PIBF1: variants seen among roughly 807,000 people sequenced by gnomAD.
The protein encoded by PIBF1 is progesterone-induced-blocking factor 1.
A neutral mutation model predicts 112.5 loss-of-function variants in PIBF1; 90 were observed. That is an observed-to-expected ratio of 0.80 (90% CI 0.67 to 0.95). The LOEUF (loss-of-function observed/expected upper bound fraction) is 0.95. Ranked by LOEUF, PIBF1 falls within the 40% of genes least tolerant of loss-of-function variation. The pLI is 0.00. For missense variants in PIBF1, 915 were observed against 852.3 expected, an observed-to-expected ratio of 1.07 and a Z score of -0.92; for synonymous variants, 301 against 288.6, an observed-to-expected ratio of 1.04 and a Z score of -0.44.
intron 14 of PIBF1, among the ~76,000 whole-genome samples, chr13:72,940,945 T>C (rs761983943): frequency 2.6e-5 from 4 of 151,908 alleles, no homozygotes; most frequent in Non-Finnish European, 5.9e-5. Context: ...TATCTGTAAA[T>C]TGTCAGAGTT....
intron 10 of PIBF1, among the ~76,000 whole-genome samples, chr13:72,875,822 A>G (rs1004752427): frequency 1.3e-5 from 2 of 152,074 alleles, no homozygotes; most frequent in African/African-American, 2.4e-5. Flanking sequence ...AGTTCTTTGT[A>G]TATTTTGGAT....
At position 72,965,209 on chromosome 13, in the gene PIBF1, C is replaced by T. The variant is rs1169644633; in HGVS notation, c.1834-65C>T. ...TTTCTGTACTATATTTGTGCTAGAGCATTTTGAATGATTTTATTTTGTTGT... is the reference window on the plus strand; with the variant it reads ...TTTCTGTACTATATTTGTGCTAGAGTATTTTGAATGATTTTATTTTGTTGT... On this transcript the variant is annotated intron_variant, in intron 14 of 17. Coordinates refer to ENST00000326291, the MANE Select transcript of PIBF1 (RefSeq NM_006346.4). 4 of 1,367,506 alleles carry T rather than the reference C, an allele frequency of 2.9e-6. No homozygotes were observed. The African/African-American group carries it at 4.3e-5, about 15-fold the overall frequency. The allele number at this position is 1,367,506 out of a possible 1,614,324, so 84.7% of individuals were successfully genotyped here. A position where few individuals can be genotyped will look rare whatever the true frequency, so the allele number is the denominator to read the frequency against.
At chr13:72,908,258 A>G (rs550535509) in intron 11 of PIBF1, among the ~76,000 whole-genome samples, 1 of 152,292 alleles carries the variant, frequency 6.6e-6, no homozygotes, top group South Asian at 2.1e-4. Context: ...AAATGCTAAT[A>G]TTACTCCTAT....
At chr13:72,844,231 T>C (rs1452137656) in intron 9 of PIBF1, among the ~76,000 whole-genome samples, 2 of 152,248 alleles carry the variant, frequency 1.3e-5, no homozygotes, top group Admixed American at 1.3e-4. Context: ...CATCTGACTC[T>C]GCAATGCAGT....
Position 72,998,634 on chromosome 13 carries a change from C to CA in PIBF1, c.2050-187dup, listed in dbSNP as rs554762252. Among the ~76,000 whole-genome samples the CA allele has an allele frequency of 2.4e-3, 369 of 152,280 alleles. 1 individual carries two copies. Among genetic ancestry groups the CA allele is most frequent in the African/African-American group, 8.4e-3 (348 of 41,566 alleles). Reference sequence around the variant, plus strand: ...CTAGACTATAGAATGTTGTAATTGTCAGTTATATTAAATGAGTATTAATGA... The same window carrying CA: ...CTAGACTATAGAATGTTGTAATTGTCAAGTTATATTAAATGAGTATTAATGA... On this transcript the variant is annotated intron_variant, in intron 16 of 17. Coordinates refer to ENST00000326291, the MANE Select transcript of PIBF1 (RefSeq NM_006346.4).
chr13:72,854,915 T>C (rs965909994), intron 10 of PIBF1, among the ~76,000 whole-genome samples: 1 of 152,132 alleles, frequency 6.6e-6, no homozygotes, highest in Non-Finnish European at 1.5e-5. Flanking sequence ...TAGAAAATGA[T>C]ATTTATTTTA....
At chr13:72,790,657 C>T (rs1207543610) in intron 2 of PIBF1, among the ~76,000 whole-genome samples, 1 of 151,920 alleles carries the variant, frequency 6.6e-6, no homozygotes, top group South Asian at 2.1e-4. Flanking sequence ...AGGGGTAGTC[C>T]AGCTGAGGAG....
rs1349416004 is a variant in PIBF1, at chr13:72,783,553, A to T, written c.84A>T (p.Thr28=). 5.6e-6 allele frequency: 9 copies of T among 1,613,430 alleles called. No homozygotes were observed. Among genetic ancestry groups the T allele is most frequent in the Non-Finnish European group, 5.9e-6 (7 of 1,179,336 alleles). The stretch of plus-strand genomic sequence containing the variant: ...CTGAAGATATTAGTTTAGAAACAAC[A>T]GTTCCTACGGATGATATTTCCTCAT... ...LESEDISLET[T]VPTDDISSSE... is the part of the protein sequence containing the mutation. Residue 28 remains threonine (T), a synonymous_variant, in exon 2 of 18, where the codon ACA becomes ACT. Transcript: ENST00000326291.
intron 10 of PIBF1, among the ~76,000 whole-genome samples, chr13:72,855,074 G>A (rs1194000606): frequency 6.6e-6 from 1 of 151,966 alleles, no homozygotes; most frequent in Non-Finnish European, 1.5e-5. Flanking sequence ...AATTATTTCA[G>A]AAAAGTTGCT....
intron 9 of PIBF1, among the ~76,000 whole-genome samples, chr13:72,850,107 A>G (rs1463602711): frequency 6.6e-6 from 1 of 152,210 alleles, no homozygotes; most frequent in Non-Finnish European, 1.5e-5. Context: ...GCGTTTTGCT[A>G]AAGAATGCAG....
At chr13:72,967,124 C>T (rs2042762900) in intron 15 of PIBF1, among the ~76,000 whole-genome samples, 1 of 151,932 alleles carries the variant, frequency 6.6e-6, no homozygotes, top group African/African-American at 2.4e-5. Context: ...TTAGTGGAGA[C>T]AGGGTTTCAC....
chr13:72,847,757 C>T (rs973960865), intron 9 of PIBF1, among the ~76,000 whole-genome samples: 5 of 152,116 alleles, frequency 3.3e-5, no homozygotes, highest in African/African-American at 1.2e-4. Flanking sequence ...ATGTCCTGCT[C>T]ATTAACTTTT....
intron 14 of PIBF1, among the ~76,000 whole-genome samples, chr13:72,933,595 G>A (rs754692488): frequency 3.9e-5 from 6 of 152,238 alleles, no homozygotes; most frequent in Non-Finnish European, 8.8e-5. Flanking sequence ...CTGGGAGGCG[G>A]AGGTTGCAGT....
intron 14 of PIBF1, among the ~76,000 whole-genome samples, chr13:72,931,717 C>CATATAT (rs1414425546): frequency 4.5e-4 from 11 of 24,412 alleles, no homozygotes; most frequent in African/African-American, 1.3e-3. Flanking sequence ...ATTTAAACTA[C>CATATAT]GTATATATAT....
intron 10 of PIBF1, among the ~76,000 whole-genome samples, chr13:72,855,113 AC>A (rs1279041691): frequency 6.6e-6 from 1 of 152,184 alleles, no homozygotes; most frequent in African/African-American, 2.4e-5. Context: ...CGTACCGTTC[AC>A]ATACTAATAA....
At chr13:72,889,626 C>A (rs961250619) in intron 10 of PIBF1, among the ~76,000 whole-genome samples, 1 of 152,140 alleles carries the variant, frequency 6.6e-6, no homozygotes, top group Admixed American at 6.6e-5. Context: ...TGCTTAACTT[C>A]TCTTGCCAGT....
intron 13 of PIBF1, among the ~76,000 whole-genome samples, chr13:72,927,594 C>G (rs1255622335): frequency 6.6e-6 from 1 of 152,066 alleles, no homozygotes; most frequent in Non-Finnish European, 1.5e-5. Context: ...GCCATGTTGG[C>G]CAGGCTGGTC....
chr13:72,869,424 C>T (rs1201952551), intron 10 of PIBF1, among the ~76,000 whole-genome samples: 2 of 133,724 alleles, frequency 1.5e-5, no homozygotes, highest in Non-Finnish European at 3.0e-5. Context: ...AATGAGAGCA[C>T]ATGGACACAG....
At chr13:72,814,693 G>T (rs1462683805) in intron 5 of PIBF1, among the ~76,000 whole-genome samples, 2 of 151,400 alleles carry the variant, frequency 1.3e-5, no homozygotes, top group African/African-American at 4.9e-5. Flanking sequence ...CACATTTAAA[G>T]CTATGCCAAA....
Sources: allele counts gnomAD v4.1 joint callset (sites outside exome capture counted in the v4.1 genomes callset), GRCh38; gene constraint gnomAD v4.1.1; transcripts MANE v1.5; gene names NCBI Gene and HGNC (gene_info 2026-07-23, HGNC 2026-07-21).